NKAIN2: variants seen among roughly 807,000 people sequenced by gnomAD.
NKAIN2 encodes sodium/potassium-transporting ATPase subunit beta-1-interacting protein 2.
A neutral mutation model predicts 32.6 loss-of-function variants in NKAIN2; 14 were observed. The ratio of observed to expected loss-of-function variants is 0.43; its 90% CI spans 0.28 to 0.67. The LOEUF (loss-of-function observed/expected upper bound fraction) is 0.67, where lower values mean the gene tolerates loss of function less well. Ranked by LOEUF, NKAIN2 falls within the 30% of genes least tolerant of loss-of-function variation. The probability of loss-of-function intolerance (pLI) is 0.17; values close to 1 mark genes in which losing one functional copy is unlikely to be tolerated. For synonymous variants in NKAIN2, 80 were observed against 87.2 expected (o/e 0.92, Z 0.46); for missense variants, 198 against 258.3 (o/e 0.77, Z 1.60).
chr6:124,209,027 A>T (rs1245596920), intron 1 of NKAIN2, among the ~76,000 whole-genome samples: 3 of 151,452 alleles, frequency 2.0e-5, no homozygotes, highest in Non-Finnish European at 4.4e-5. Flanking sequence ...TGTTAAATAT[A>T]GTCACCTTAT....
At chr6:123,861,289 C>T (rs867998970) in intron 1 of NKAIN2, among the ~76,000 whole-genome samples, 12 of 152,280 alleles carry the variant, frequency 7.9e-5, no homozygotes, top group African/African-American at 2.6e-4. Context: ...ATTTTAGTAG[C>T]ATATTTTAGA....
intron 1 of NKAIN2, among the ~76,000 whole-genome samples, chr6:124,017,482 A>G (rs1252262633): frequency 1.3e-5 from 2 of 152,188 alleles, no homozygotes; most frequent in Non-Finnish European, 2.9e-5. Flanking sequence ...CTCTTCTGAG[A>G]AAAGGCAAGT....
At chr6:124,486,506 C>T (rs928382885) in intron 3 of NKAIN2, among the ~76,000 whole-genome samples, 4 of 152,090 alleles carry the variant, frequency 2.6e-5, no homozygotes, top group Admixed American at 6.5e-5. Context: ...CCAGTTCTCT[C>T]TACTGTTTTA....
rs138988556 is a variant in NKAIN2 at position 124,593,819 on chromosome 6, G to A, written c.274-64367G>A. Among the ~76,000 whole-genome samples, 985 of 152,262 alleles carry A rather than the reference G, an allele frequency of 6.5e-3. 10 individuals carry two copies. Among genetic ancestry groups the A allele is most frequent in the African/African-American group, 0.021 (884 of 41,550 alleles). On this transcript the variant is annotated intron_variant, in intron 3 of 6. Transcript: ENST00000368417. ...TATGGAAGTAGATTAACTGGGACTT[G>A]GGGAATGTTTAGGGTAATAGTGGGA...
At chr6:124,497,591 A>G (rs1778110402) in intron 3 of NKAIN2, among the ~76,000 whole-genome samples, 1 of 152,140 alleles carries the variant, frequency 6.6e-6, no homozygotes, top group South Asian at 2.1e-4. Flanking sequence ...TTGAAACACA[A>G]TGCTAAAGAA....
rs188501253 is a variant in NKAIN2, at chr6:124,792,765, C to T, written c.535+1366C>T. ...AGGCAAAAGGTGAAAAAGCATATCACGGCCAGATTAATGTGACTGAATTTG... is the reference window on the plus strand; with the variant it reads ...AGGCAAAAGGTGAAAAAGCATATCATGGCCAGATTAATGTGACTGAATTTG... On this transcript the variant is annotated intron_variant, in intron 5 of 6. Coordinates refer to ENST00000368417, the MANE Select transcript of NKAIN2 (RefSeq NM_001040214.3). Among the ~76,000 whole-genome samples the T allele has an allele frequency of 7.2e-5, 11 of 152,024 alleles. No homozygotes were observed. In the South Asian group the frequency reaches 1.5e-3, roughly 20 times the overall value.
At chr6:123,912,246 G>A (rs577628241) in intron 1 of NKAIN2, among the ~76,000 whole-genome samples, 1 of 151,990 alleles carries the variant, frequency 6.6e-6, no homozygotes, top group Admixed American at 6.6e-5. Flanking sequence ...GATTTCAGCT[G>A]TAACATGTAA....
At chr6:124,687,907 T>A (rs950531278) in intron 4 of NKAIN2, among the ~76,000 whole-genome samples, 2 of 151,430 alleles carry the variant, frequency 1.3e-5, no homozygotes, top group Non-Finnish European at 2.9e-5. Flanking sequence ...CCACAGGATC[T>A]GATAGAACTT....
At chr6:124,190,173 T>G (rs1490842989) in intron 1 of NKAIN2, among the ~76,000 whole-genome samples, 1 of 152,232 alleles carries the variant, frequency 6.6e-6, no homozygotes, top group Non-Finnish European at 1.5e-5. Flanking sequence ...CCTCTAATGT[T>G]AAGTTGGAAT....
intron 4 of NKAIN2, among the ~76,000 whole-genome samples, chr6:124,782,823 T>C (rs542546494): frequency 7.0e-4 from 106 of 152,294 alleles, no homozygotes; most frequent in Admixed American, 1.0e-3. Flanking sequence ...AATGATTCAT[T>C]ATGAATAAAT....
intron 1 of NKAIN2, 148 bp from the exon 2 acceptor site, chr6:124,282,857 C>T (rs1795365317): frequency 2.9e-6 from 2 of 680,276 alleles, no homozygotes; most frequent in East Asian, 5.2e-5. Flanking sequence ...CTGAAAATGT[C>T]ATTCTCGCTG....
At chr6:124,023,082 G>A (rs1562313841) in intron 1 of NKAIN2, among the ~76,000 whole-genome samples, 2 of 150,912 alleles carry the variant, frequency 1.3e-5, no homozygotes, top group South Asian at 2.1e-4. Flanking sequence ...ATATATATAT[G>A]TGTGTGTATG....
At chr6:124,621,865 G>T (rs1783119011) in intron 3 of NKAIN2, among the ~76,000 whole-genome samples, 1 of 151,944 alleles carries the variant, frequency 6.6e-6, no homozygotes, top group African/African-American at 2.4e-5. Flanking sequence ...CCCTCCCCTT[G>T]CAATACAACC....
At chr6:124,823,126 T>C in intron 6 of NKAIN2, 94 bp from the exon 7 acceptor site, 1 of 869,638 alleles carries the variant, frequency 1.1e-6, no homozygotes, top group South Asian at 1.3e-5. Flanking sequence ...TGTTTGTTTG[T>C]TTGCTCTTGT....
intron 3 of NKAIN2, among the ~76,000 whole-genome samples, chr6:124,420,646 T>A (rs1464344572): frequency 6.6e-6 from 1 of 152,162 alleles, no homozygotes; most frequent in Non-Finnish European, 1.5e-5. Flanking sequence ...TCTTTGAATG[T>A]TCCAACATTA....
chr6:124,678,439 A>C (rs1773463011), intron 4 of NKAIN2, among the ~76,000 whole-genome samples: 3 of 152,024 alleles, frequency 2.0e-5, no homozygotes, highest in Admixed American at 2.0e-4. Context: ...GGATAATTTC[A>C]AATAACCACT....
chr6:123,961,743 A>T (rs1159073172), intron 1 of NKAIN2, among the ~76,000 whole-genome samples: 1 of 152,106 alleles, frequency 6.6e-6, no homozygotes, highest in Non-Finnish European at 1.5e-5. Context: ...AACACCTGGG[A>T]ATGAAGCTTT....
rs532203405 is a variant in NKAIN2 at position 124,253,996 on chromosome 6, T to C, written c.55-29009T>C. Among the ~76,000 whole-genome samples, 4 of 152,190 alleles carry C rather than the reference T, an allele frequency of 2.6e-5. No homozygotes were observed. In the South Asian group the frequency reaches 6.2e-4, roughly 24 times the overall value. On this transcript the variant is annotated intron_variant, in intron 1 of 6. Coordinates refer to ENST00000368417, the MANE Select transcript of NKAIN2 (RefSeq NM_001040214.3). ...CCATGCCTGGCTAATTTTGTATTTT[T>C]AGTAGAGACGGGGTTTCACAATGTT... is the stretch of plus-strand genomic sequence containing the variant.
intron 4 of NKAIN2, among the ~76,000 whole-genome samples, chr6:124,721,198 C>T (rs374112072): frequency 9.2e-5 from 14 of 152,054 alleles, no homozygotes; most frequent in Admixed American, 2.6e-4. Context: ...GGGAGGATCA[C>T]GAGGTCAGGA....
Sources: allele counts gnomAD v4.1 joint callset (sites outside exome capture counted in the v4.1 genomes callset), GRCh38; gene constraint gnomAD v4.1.1; transcripts MANE v1.5; gene names NCBI Gene and HGNC (gene_info 2026-07-23, HGNC 2026-07-21).